The following TUSC3 variants were observed in gnomAD, a reference collection of about 807,000 sequenced individuals.
TUSC3 encodes the protein tumor suppressor candidate 3.
Under a neutral mutation model 44.8 loss-of-function variants are expected in TUSC3, and 45 were observed. That is an observed-to-expected ratio of 1.00 (90% CI 0.79 to 1.29). The LOEUF (loss-of-function observed/expected upper bound fraction) is 1.29, where lower values mean the gene tolerates loss of function less well. Ranked by LOEUF, TUSC3 falls within the 50% of genes most tolerant of loss-of-function variation. TUSC3 has a pLI of 0.00. For missense variants in TUSC3, 519 were observed against 437.9 expected, an observed-to-expected ratio of 1.19 and a Z score of -1.65; for synonymous variants, 212 against 152.9, an observed-to-expected ratio of 1.39 and a Z score of -2.85.
chr8:15,833,260 G>C, the TUSC3 span, among the ~76,000 whole-genome samples: 2 of 152,144 alleles, frequency 1.3e-5, no homozygotes, highest in Non-Finnish European at 1.5e-5. Context: ...CGCTGTTGAT[G>C]GGAGTGTAAA....
chr8:15,540,671 CGTGGGCGAT>C, intron 1 of TUSC3, 103 bp downstream of exon 1: 2 of 1,391,448 alleles, frequency 1.4e-6, no homozygotes, highest in Non-Finnish European at 1.9e-6. Flanking sequence ...TGGTCGCCGG[CGTGGGCGAT>C]GCCGGCGCTG....
At chr8:15,831,554 A>T in the TUSC3 span, among the ~76,000 whole-genome samples, 2 of 143,660 alleles carry the variant, frequency 1.4e-5, no homozygotes, top group Non-Finnish European at 1.6e-5. Flanking sequence ...AAGAATTACA[A>T]CAAAATGATA....
At chr8:15,567,613 T>G (rs1170540061) in intron 1 of TUSC3, among the ~76,000 whole-genome samples, 2 of 152,158 alleles carry the variant, frequency 1.3e-5, no homozygotes, top group African/African-American at 4.8e-5. Flanking sequence ...ATGAAATCCT[T>G]TGTCATATGT....
At chr8:15,675,214 G>A (rs550055302) in intron 6 of TUSC3, among the ~76,000 whole-genome samples, 10 of 151,840 alleles carry the variant, frequency 6.6e-5, no homozygotes, top group South Asian at 2.1e-4. Flanking sequence ...AGATCTGATC[G>A]CTGTCGTGTT....
chr8:15,789,533 A>G, the TUSC3 span, among the ~76,000 whole-genome samples: 5,549 of 152,258 alleles, frequency 0.036, 360 homozygotes, highest in African/African-American at 0.13. Context: ...AAGCCATGAA[A>G]TCTTATGAAT....
chr8:15,650,836 A>T lies in TUSC3; in HGVS notation c.426+22A>T, dbSNP rs538868445. On this transcript the variant is annotated intron_variant, in intron 3 of 10. Coordinates refer to ENST00000503731, the MANE Select transcript of TUSC3 (RefSeq NM_006765.4). Reference sequence around the variant, plus strand: ...GCAGGTAAAGAGTTATATCGTATTCATATATTTAACATAGTTGTTTGTGGT... The same window carrying T: ...GCAGGTAAAGAGTTATATCGTATTCTTATATTTAACATAGTTGTTTGTGGT... The T allele has an allele frequency of 3.1e-6, 5 of 1,595,208 alleles. No homozygotes were observed. In the South Asian group the frequency reaches 3.3e-5, roughly 11 times the overall value.
At chr8:15,431,037 T>C (rs562079127) in intron 1 of TUSC3, among the ~76,000 whole-genome samples, 2 of 151,868 alleles carry the variant, frequency 1.3e-5, no homozygotes, top group East Asian at 1.9e-4. Flanking sequence ...ACTCCACTGG[T>C]ATATGTATCA....
Position 15,673,930 on chromosome 8 carries a change from CTGTT to C in TUSC3, c.798+98_798+101del, listed in dbSNP as rs1356520354. ...GTTTAGTATTTAGTAGGAAAAGATTCTGTTTGTCAGTCAAAATATATATTCTTTC... is the reference window on the plus strand; with the variant it reads ...GTTTAGTATTTAGTAGGAAAAGATTCTGTCAGTCAAAATATATATTCTTTC... On this transcript the variant is annotated intron_variant, in intron 6 of 10. Transcript: ENST00000503731. The C allele has an allele frequency of 8.1e-5, 89 of 1,095,550 alleles. No homozygotes were observed. The South Asian group carries it at 1.0e-3, about 12-fold the overall frequency. 67.9% of individuals were successfully genotyped at this position (1,095,550 alleles called of 1,614,324 possible).
At chr8:15,563,281 C>A (rs565412082) in intron 1 of TUSC3, among the ~76,000 whole-genome samples, 1 of 152,120 alleles carries the variant, frequency 6.6e-6, no homozygotes, top group African/African-American at 2.4e-5. Context: ...GAAGGTGAAT[C>A]TCTATGTCTC....
At chr8:15,585,325 C>G (rs1289457153) in intron 1 of TUSC3, among the ~76,000 whole-genome samples, 1 of 152,164 alleles carries the variant, frequency 6.6e-6, no homozygotes, top group African/African-American at 2.4e-5. Flanking sequence ...GTTACAGTCT[C>G]ACCAATGCAC....
At position 15,552,865 on chromosome 8, in the gene TUSC3, G is replaced by C. The variant is rs1034228348; in HGVS notation, c.138+12297G>C. On this transcript the variant is annotated intron_variant, in intron 1 of 10. Transcript: ENST00000503731. ...TAGCTTAGGTGGGGATGCAAGACTG[G>C]AGAAGAGGCTTCTGCAGATGTCAAA... Among the ~76,000 whole-genome samples, 4 of 151,706 alleles carry C rather than the reference G, an allele frequency of 2.6e-5. 1 individual carries two copies.
intron 5 of TUSC3, 27 bp from the exon 6 acceptor site, chr8:15,673,720 A>G (rs1215288189): frequency 2.6e-6 from 4 of 1,557,934 alleles, no homozygotes; most frequent in Non-Finnish European, 3.5e-6. Context: ...TGGTTTACAT[A>G]TTGAAACACT....
intron 2 of TUSC3, among the ~76,000 whole-genome samples, chr8:15,649,211 T>C (rs918467055): frequency 8.6e-5 from 13 of 152,020 alleles, no homozygotes; most frequent in African/African-American, 3.1e-4. Context: ...CAAATACATG[T>C]TTTTTTTCGT....
At chr8:15,761,797 A>G (rs188494610) in intron 10 of TUSC3, among the ~76,000 whole-genome samples, 25 of 152,280 alleles carry the variant, frequency 1.6e-4, no homozygotes, top group African/African-American at 5.5e-4. Context: ...TTAAAAAAGT[A>G]TGATACGAAG....
chr8:15,810,725 T>G, the TUSC3 span, among the ~76,000 whole-genome samples: 13 of 152,186 alleles, frequency 8.5e-5, no homozygotes, highest in African/African-American at 1.2e-4. Flanking sequence ...GGCTGCCACA[T>G]GGCCAGCAGA....
At chr8:15,833,573 C>G in the TUSC3 span, among the ~76,000 whole-genome samples, 1 of 152,052 alleles carries the variant, frequency 6.6e-6, no homozygotes, top group Non-Finnish European at 1.5e-5. Context: ...TATCCTTAGC[C>G]AATCAATGCA....
chr8:15,720,593 C>G (rs531611931), intron 6 of TUSC3, among the ~76,000 whole-genome samples: 98 of 152,218 alleles, frequency 6.4e-4, no homozygotes, highest in African/African-American at 2.3e-3. Flanking sequence ...GAAGCAGTGA[C>G]TTTCCAGATT....
At chr8:15,733,162 A>G (rs1563195732) in intron 7 of TUSC3, among the ~76,000 whole-genome samples, 1 of 152,192 alleles carries the variant, frequency 6.6e-6, no homozygotes, top group African/African-American at 2.4e-5. Context: ...GTCTTTGTGT[A>G]TATGTTTATA....
chr8:15,740,467 T>A (rs1363696425), intron 7 of TUSC3, among the ~76,000 whole-genome samples: 2 of 149,804 alleles, frequency 1.3e-5, no homozygotes, highest in Non-Finnish European at 3.0e-5. Flanking sequence ...GAAAAAAAAA[T>A]GTTGTCCTCC....
Sources: gnomAD v4.1 joint callset for allele counts (sites outside exome capture counted in the v4.1 genomes callset) on GRCh38, gnomAD v4.1.1 for gene constraint, MANE v1.5 for transcripts, NCBI Gene and HGNC (gene_info 2026-07-23, HGNC 2026-07-21) for gene names.